The following RHOU variants were observed in gnomAD, a reference collection of about 807,000 sequenced individuals.
RHOU encodes the protein rho-related GTP-binding protein RhoU.
In RHOU, 8 loss-of-function variants were observed where a neutral mutation model predicts 12.6. The ratio of observed to expected loss-of-function variants is 0.64; its 90% CI spans 0.37 to 1.15. The LOEUF (loss-of-function observed/expected upper bound fraction) is 1.15, where lower values mean the gene tolerates loss of function less well. Ranked by LOEUF, RHOU falls within the 50% of genes most tolerant of loss-of-function variation. The probability of loss-of-function intolerance (pLI) is 0.01; values close to 1 mark genes in which losing one functional copy is unlikely to be tolerated. For missense variants in RHOU, 258 were observed against 347.0 expected (o/e 0.74, Z 2.04); for synonymous variants, 161 against 147.4 (o/e 1.09, Z -0.67).
At chr1:228,705,389 T>C in the RHOU span, among the ~76,000 whole-genome samples, 14 of 152,192 alleles carry the variant, frequency 9.2e-5, no homozygotes, top group African/African-American at 3.1e-4. Flanking sequence ...CATGTAAGTG[T>C]AGGTGTAGCC....
At chr1:228,693,670 A>G in the RHOU span, among the ~76,000 whole-genome samples, 4 of 152,032 alleles carry the variant, frequency 2.6e-5, no homozygotes, top group Non-Finnish European at 5.9e-5. Context: ...CTTTCACCGT[A>G]TTGGCCAGGC....
chr1:228,650,682 G>C, the RHOU span: 1 of 486,808 alleles, frequency 2.1e-6, no homozygotes, highest in African/African-American at 2.0e-5. Flanking sequence ...CAAAGTGAGA[G>C]AGCTCTCATC....
chr1:228,647,270 C>G, the RHOU span, among the ~76,000 whole-genome samples: 1 of 152,142 alleles, frequency 6.6e-6, no homozygotes, highest in Non-Finnish European at 1.5e-5. Context: ...TTTCTTGGCA[C>G]CTCACTGTGC....
chr1:228,724,347 T>G, the RHOU span, among the ~76,000 whole-genome samples: 1 of 152,236 alleles, frequency 6.6e-6, no homozygotes, highest in Non-Finnish European at 1.5e-5. Context: ...GTATAACTGA[T>G]AAATAAAAAA....
At chr1:228,665,526 A>C in the RHOU span, among the ~76,000 whole-genome samples, 1 of 152,172 alleles carries the variant, frequency 6.6e-6, no homozygotes, top group Admixed American at 6.5e-5. Flanking sequence ...CAAATCAGGT[A>C]TCTTTGGTAG....
the RHOU span, among the ~76,000 whole-genome samples, chr1:228,653,713 C>T: frequency 2.0e-5 from 3 of 152,208 alleles, no homozygotes; most frequent in Admixed American, 6.5e-5. Context: ...ACCTTGGTCT[C>T]CCAAAGTGCT....
chr1:228,660,440 TGAA>T, the RHOU span, among the ~76,000 whole-genome samples: 1 of 151,694 alleles, frequency 6.6e-6, no homozygotes, highest in East Asian at 1.9e-4. Flanking sequence ...TCCAAAAACT[TGAA>T]GAGGAGGGAG....
At chr1:228,718,315 C>G in the RHOU span, among the ~76,000 whole-genome samples, 1 of 152,168 alleles carries the variant, frequency 6.6e-6, no homozygotes, top group African/African-American at 2.4e-5. Flanking sequence ...CAGATGGAAT[C>G]TACAATTAAG....
rs970245159 is a variant in RHOU, at chr1:228,745,221, C to T, written c.*1481C>T. The T allele has an allele frequency of 1.3e-5, 2 of 152,190 alleles. No homozygotes were observed. Among genetic ancestry groups the T allele is most frequent in the Admixed American group, 1.3e-4 (2 of 15,284 alleles). The allele number at this position is 152,190 out of a possible 1,614,324, so 9.4% of individuals were successfully genotyped here. ...AATCTTCTGGAGAAAAAGGTGCCAT[C>T]TCAGGAGAATAGCTTTTACTCTGGT... On this transcript the variant is annotated 3_prime_UTR_variant, in exon 3 of 3. Coordinates refer to ENST00000366691, the MANE Select transcript of RHOU (RefSeq NM_021205.6).
the RHOU span, among the ~76,000 whole-genome samples, chr1:228,726,578 T>G: frequency 6.6e-6 from 1 of 151,788 alleles, no homozygotes; most frequent in Non-Finnish European, 1.5e-5. Flanking sequence ...GGCAGGAGAA[T>G]TGCTTGAACT....
the RHOU span, among the ~76,000 whole-genome samples, chr1:228,692,016 A>G: frequency 1.3e-5 from 2 of 152,240 alleles, no homozygotes; most frequent in African/African-American, 4.8e-5. Context: ...ACTGCATGAG[A>G]CCTTCAAAAA....
chr1:228,735,826 CG>C lies in RHOU; in HGVS notation c.89del (p.Gly30AspfsTer38). On this transcript the variant is annotated frameshift_variant, in exon 1 of 3. Transcript: ENST00000366691. LOFTEE classifies it high-confidence loss of function. The surrounding 1 kb of genome is among the most constrained non-coding windows in gnomAD (Gnocchi z 8.1). ...VPPRRERGGR[G>X]GRGPGEPGGR... ...CGCCGCGTCGGGAGCGCGGTGGACG[CG>C]GGGGACGCGGGCCTGGGGAGCCGGG... 1.6e-6 allele frequency: 2 copies of C among 1,225,594 alleles called. No individual in the cohort carries two copies. The highest frequency in any genetic ancestry group is 2.0e-6 in the Non-Finnish European group (2 of 984,022). The allele number at this position is 1,225,594 out of a possible 1,614,324, so 75.9% of individuals were successfully genotyped here. A position where few individuals can be genotyped will look rare whatever the true frequency, so the allele number is the denominator to read the frequency against.
chr1:228,716,945 C>G, the RHOU span, among the ~76,000 whole-genome samples: 3 of 152,108 alleles, frequency 2.0e-5, no homozygotes, highest in African/African-American at 7.2e-5. Flanking sequence ...CTCATTTTCA[C>G]CTTTGACAAA....
chr1:228,720,920 C>T, the RHOU span, among the ~76,000 whole-genome samples: 1 of 152,166 alleles, frequency 6.6e-6, no homozygotes, highest in African/African-American at 2.4e-5. Context: ...AGCGCTTTCC[C>T]CTAAAGAAAT....
chr1:228,727,237 A>G, the RHOU span, among the ~76,000 whole-genome samples: 2 of 152,276 alleles, frequency 1.3e-5, no homozygotes, highest in African/African-American at 2.4e-5. Context: ...TTACCTTTCA[A>G]TACATTCTTC....
At chr1:228,646,885 G>C in the RHOU span, among the ~76,000 whole-genome samples, 3 of 151,996 alleles carry the variant, frequency 2.0e-5, no homozygotes, top group African/African-American at 4.8e-5. Flanking sequence ...TAGAAACCGA[G>C]GGAGGGAGAG....
At chr1:228,648,104 A>G in the RHOU span, 2 of 152,198 alleles carry the variant, frequency 1.3e-5, no homozygotes, top group African/African-American at 4.8e-5. Flanking sequence ...CGCCACCTCT[A>G]ATCCAGTGCC....
the RHOU span, among the ~76,000 whole-genome samples, chr1:228,663,152 A>G: frequency 6.6e-6 from 1 of 152,254 alleles, no homozygotes; most frequent in Non-Finnish European, 1.5e-5. Flanking sequence ...ATAAAGTTTT[A>G]TGACAGCGCA....
At chr1:228,713,833 G>C in the RHOU span, among the ~76,000 whole-genome samples, 1 of 152,136 alleles carries the variant, frequency 6.6e-6, no homozygotes, top group Non-Finnish European at 1.5e-5. Context: ...TGTGGGATCT[G>C]ACCCTATCTC....
Sources: allele counts gnomAD v4.1 joint callset (sites outside exome capture counted in the v4.1 genomes callset), GRCh38; gene constraint gnomAD v4.1.1; non-coding constraint Gnocchi (gnomAD v3.1); transcripts MANE v1.5; gene names NCBI Gene and HGNC (gene_info 2026-07-23, HGNC 2026-07-21).